Variants in METAP2 observed in about 807,000 individuals in gnomAD.
The protein encoded by METAP2 is methionine aminopeptidase 2.
A neutral mutation model predicts 59.4 loss-of-function variants in METAP2; 25 were observed. The ratio of observed to expected loss-of-function variants is 0.42; its 90% CI spans 0.31 to 0.59. The LOEUF (loss-of-function observed/expected upper bound fraction) is 0.59, where lower values mean the gene tolerates loss of function less well. Ranked by LOEUF, METAP2 falls within the 20% of genes least tolerant of loss-of-function variation. METAP2 has a pLI of 0.16. For missense variants in METAP2, 366 were observed against 581.2 expected, an observed-to-expected ratio of 0.63 and a Z score of 3.81; for synonymous variants, 214 against 194.1, an observed-to-expected ratio of 1.10 and a Z score of -0.85.
intron 5 of METAP2, 51 bp downstream of exon 5, chr12:95,494,268 T>A: frequency 6.6e-7 from 1 of 1,511,416 alleles, no homozygotes; most frequent in Non-Finnish European, 9.0e-7. Flanking sequence ...TTTTATTAAG[T>A]ACTAACTCTC....
At chr12:95,497,235 C>G (rs56193615) in intron 7 of METAP2, among the ~76,000 whole-genome samples, 11,557 of 152,244 alleles carry the variant, frequency 0.076, 573 homozygotes, top group African/African-American at 0.13. Context: ...ACTCTATACT[C>G]ATTAAACAGT....
At chr12:95,510,007 T>G (rs989266982) in intron 8 of METAP2, among the ~76,000 whole-genome samples, 18 of 152,094 alleles carry the variant, frequency 1.2e-4, no homozygotes, top group Non-Finnish European at 2.2e-4. Context: ...CAGCTAATTT[T>G]TATATTTTTA....
At chr12:95,493,336 G>A (rs1205075755) in intron 4 of METAP2, among the ~76,000 whole-genome samples, 1 of 152,128 alleles carries the variant, frequency 6.6e-6, no homozygotes, top group Non-Finnish European at 1.5e-5. Context: ...TTAAAAATTA[G>A]CTGGGTGTGC....
At chr12:95,510,141 T>G (rs1211804484) in intron 8 of METAP2, among the ~76,000 whole-genome samples, 2 of 152,176 alleles carry the variant, frequency 1.3e-5, no homozygotes, top group Admixed American at 1.3e-4. Flanking sequence ...CTGGCCGTTT[T>G]TAGCCCTTTT....
At chr12:95,489,285 C>G (rs186493464) in intron 4 of METAP2, among the ~76,000 whole-genome samples, 1 of 152,230 alleles carries the variant, frequency 6.6e-6, no homozygotes, top group East Asian at 1.9e-4. Flanking sequence ...TCAAAAACTT[C>G]CTTTTCCTTA....
At chr12:95,513,067 A>T (rs1398199392) in intron 10 of METAP2, 151 bp downstream of exon 10, 1 of 543,080 alleles carries the variant, frequency 1.8e-6, no homozygotes, top group Non-Finnish European at 3.2e-6. Flanking sequence ...TAGCCTGTTA[A>T]ACATTTTAAC....
At chr12:95,495,191 TTGTCTC>T in intron 6 of METAP2, 53 bp downstream of exon 6, 4 of 1,466,002 alleles carry the variant, frequency 2.7e-6, no homozygotes, top group Non-Finnish European at 3.8e-6. Flanking sequence ...AAACTAGTTT[TTGTCTC>T]TGTTAAATGG....
At chr12:95,490,440 A>T (rs1555191204) in intron 4 of METAP2, among the ~76,000 whole-genome samples, 2 of 151,672 alleles carry the variant, frequency 1.3e-5, no homozygotes. Context: ...TTAAAGTATT[A>T]GCCAGTTTCT....
intron 7 of METAP2, 67 bp downstream of exon 7, chr12:95,496,165 A>T (rs1010666050): frequency 3.7e-5 from 38 of 1,016,454 alleles, no homozygotes; most frequent in Non-Finnish European, 5.5e-5. Flanking sequence ...TTAAACACTT[A>T]ACAGCATTTA....
intron 7 of METAP2, among the ~76,000 whole-genome samples, chr12:95,503,323 C>T (rs1277774559): frequency 6.6e-6 from 1 of 152,120 alleles, no homozygotes; most frequent in African/African-American, 2.4e-5. Flanking sequence ...CATGTGTGCT[C>T]ACTTTTAGAA....
At chr12:95,492,164 G>A (rs2076243318) in intron 4 of METAP2, among the ~76,000 whole-genome samples, 2 of 144,708 alleles carry the variant, frequency 1.4e-5, no homozygotes, top group African/African-American at 5.1e-5. Context: ...GTATGTATAT[G>A]TGTGTGTATA....
chr12:95,503,835 T>C, intron 7 of METAP2, among the ~76,000 whole-genome samples: 1 of 152,216 alleles, frequency 6.6e-6, no homozygotes, highest in Non-Finnish European at 1.5e-5. Context: ...TCCCAAGTAC[T>C]TACATTAGAC....
chr12:95,500,051 T>C (rs1006875113), intron 7 of METAP2, among the ~76,000 whole-genome samples: 3 of 152,196 alleles, frequency 2.0e-5, no homozygotes, highest in African/African-American at 7.2e-5. Flanking sequence ...CCGTATCAGA[T>C]GTGTTTCCAT....
chr12:95,501,679 C>T (rs1159523970), intron 7 of METAP2, among the ~76,000 whole-genome samples: 7 of 151,104 alleles, frequency 4.6e-5, no homozygotes, highest in Admixed American at 4.6e-4. Flanking sequence ...TGCGCCACTG[C>T]ACTCCAGCCT....
intron 1 of METAP2, among the ~76,000 whole-genome samples, chr12:95,475,476 A>G (rs530658440): frequency 3.9e-5 from 6 of 152,334 alleles, no homozygotes; most frequent in Admixed American, 3.3e-4. Flanking sequence ...AATTCTCTCC[A>G]GTAGCCAGAA....
intron 7 of METAP2, among the ~76,000 whole-genome samples, chr12:95,503,222 T>TA (rs1414347089): frequency 1.3e-5 from 2 of 152,200 alleles, no homozygotes; most frequent in Non-Finnish European, 2.9e-5. Context: ...ATTTTTTGTG[T>TA]TGGTTTTTTT....
At chr12:95,491,749 C>T (rs1310422299) in intron 4 of METAP2, among the ~76,000 whole-genome samples, 1 of 151,944 alleles carries the variant, frequency 6.6e-6, no homozygotes, top group Non-Finnish European at 1.5e-5. Context: ...TGAACTCATG[C>T]AGTCTGTCCC....
chr12:95,508,573 GAGTT>G (rs1252144847), intron 8 of METAP2, among the ~76,000 whole-genome samples: 2 of 152,198 alleles, frequency 1.3e-5, no homozygotes, highest in African/African-American at 4.8e-5. Flanking sequence ...ACTACCTCTA[GAGTT>G]AGTTATTTCT....
chr12:95,507,497 C>T (rs1395501674), intron 8 of METAP2, among the ~76,000 whole-genome samples: 4 of 152,244 alleles, frequency 2.6e-5, no homozygotes, highest in African/African-American at 9.6e-5. Context: ...GGGATTTGCC[C>T]ATCTTCTCCC....
Sources: gnomAD v4.1 joint callset for allele counts (sites outside exome capture counted in the v4.1 genomes callset) on GRCh38, gnomAD v4.1.1 for gene constraint, MANE v1.5 for transcripts, NCBI Gene and HGNC (gene_info 2026-07-23, HGNC 2026-07-21) for gene names.